The following CYP20A1 variants were observed in gnomAD, a reference collection of about 807,000 sequenced individuals.
CYP20A1 encodes cytochrome P450 20A1.
In CYP20A1, 61 loss-of-function variants were observed where a neutral mutation model predicts 61.4. The ratio of observed to expected loss-of-function variants is 0.99; its 90% confidence interval spans 0.81 to 1.23. CYP20A1 has a LOEUF of 1.23. Ranked by LOEUF, CYP20A1 falls within the 50% of genes most tolerant of loss-of-function variation. CYP20A1 has a pLI of 0.00. For missense variants in CYP20A1, 530 were observed against 542.4 expected (o/e 0.98, Z 0.23); for synonymous variants, 193 against 188.2 (o/e 1.03, Z -0.21).
At chr2:203,289,257 CCT>C (rs2068430557) in intron 9 of CYP20A1, among the ~76,000 whole-genome samples, 2 of 151,964 alleles carry the variant, frequency 1.3e-5, no homozygotes, top group Admixed American at 6.6e-5. Context: ...ATTCTCCGTC[CCT>C]GTTTCTATGG....
chr2:203,243,975 C>G (rs957904217), intron 1 of CYP20A1, among the ~76,000 whole-genome samples: 1 of 152,168 alleles, frequency 6.6e-6, no homozygotes, highest in African/African-American at 2.4e-5. Flanking sequence ...TCGATGCAAG[C>G]CACCACACCT....
chr2:203,242,591 T>C (rs964203244), intron 1 of CYP20A1, among the ~76,000 whole-genome samples: 1 of 152,038 alleles, frequency 6.6e-6, no homozygotes, highest in African/African-American at 2.4e-5. Context: ...AGTTTGAGAC[T>C]AGACTGAGCA....
intron 5 of CYP20A1, among the ~76,000 whole-genome samples, chr2:203,271,349 A>G (rs1423677101): frequency 2.0e-5 from 3 of 151,736 alleles, no homozygotes; most frequent in African/African-American, 7.3e-5. Flanking sequence ...CGGCCTCCCA[A>G]AGTGCTAGGA....
chr2:203,250,357 A>G (rs148256106), intron 3 of CYP20A1, among the ~76,000 whole-genome samples: 18 of 152,318 alleles, frequency 1.2e-4, no homozygotes, highest in Admixed American at 3.3e-4. Flanking sequence ...TTCATGAAGA[A>G]GGTATTATGG....
chr2:203,279,087 C>T (rs564057536), intron 7 of CYP20A1, among the ~76,000 whole-genome samples: 42 of 152,088 alleles, frequency 2.8e-4, no homozygotes, highest in Non-Finnish European at 5.3e-4. Context: ...GCCTCAGCCT[C>T]CCAAGTAGCT....
At chr2:203,268,255 A>C (rs1326450444) in intron 5 of CYP20A1, among the ~76,000 whole-genome samples, 1 of 152,162 alleles carries the variant, frequency 6.6e-6, no homozygotes, top group Non-Finnish European at 1.5e-5. Context: ...ATAGTTATCA[A>C]GTTTCTTTGG....
rs911053190 is a variant in CYP20A1, at chr2:203,298,453, C to T, written c.*1545C>T. ...TCATGCCTATAATACTTTGGGAGGC[C>T]GAGGCAGGTGGATCAATTGAGGTCA... On this transcript the variant is annotated 3_prime_UTR_variant, in exon 13 of 13. Transcript: ENST00000356079. Among the ~76,000 whole-genome samples, 7 of 148,204 alleles carry T rather than the reference C, an allele frequency of 4.7e-5. No individual in the cohort carries two copies. The highest frequency in any genetic ancestry group is 1.0e-4 in the Non-Finnish European group (7 of 67,490).
Position 203,239,144 on chromosome 2 carries a change from G to A in CYP20A1, c.72+10G>A, listed in dbSNP as rs1339640557. ...GCTCTACCTCTATCCGGTGAGCGCC[G>A]TCTTGGCTCTCTGGGGCCCCGGGCG... On this transcript the variant is annotated intron_variant, in intron 1 of 12. Coordinates refer to ENST00000356079, the MANE Select transcript of CYP20A1 (RefSeq NM_177538.3). The A allele has an allele frequency of 5.6e-6, 9 of 1,611,472 alleles. No homozygotes were observed. The highest frequency in any genetic ancestry group is 2.7e-5 in the African/African-American group (2 of 74,980).
intron 4 of CYP20A1, among the ~76,000 whole-genome samples, chr2:203,257,358 A>C (rs1185198719): frequency 6.6e-6 from 1 of 150,938 alleles, no homozygotes; most frequent in East Asian, 1.9e-4. Context: ...GTTTGGGTTT[A>C]TTTTCCTTTC....
At chr2:203,253,822 C>T (rs1265260833) in intron 4 of CYP20A1, among the ~76,000 whole-genome samples, 1 of 151,306 alleles carries the variant, frequency 6.6e-6, no homozygotes, top group Non-Finnish European at 1.5e-5. Context: ...TTCCTTTAAC[C>T]TTGCTCTGGA....
chr2:203,242,723 C>A (rs1056321185), intron 1 of CYP20A1, among the ~76,000 whole-genome samples: 2 of 151,378 alleles, frequency 1.3e-5, no homozygotes, highest in South Asian at 4.2e-4. Flanking sequence ...CCTGGGAGAT[C>A]GAGGCTGCAG....
intron 3 of CYP20A1, among the ~76,000 whole-genome samples, chr2:203,247,288 A>G (rs2066495236): frequency 6.6e-6 from 1 of 152,108 alleles, no homozygotes; most frequent in Non-Finnish European, 1.5e-5. Context: ...TAATGTTTAT[A>G]AATAAAAACT....
intron 4 of CYP20A1, among the ~76,000 whole-genome samples, chr2:203,261,347 C>T (rs2067129559): frequency 1.3e-5 from 2 of 151,726 alleles, no homozygotes; most frequent in Admixed American, 6.6e-5. Flanking sequence ...TGCTTGAGTT[C>T]AGAAGTTTAA....
chr2:203,270,864 T>G (rs1168183447), intron 5 of CYP20A1, among the ~76,000 whole-genome samples: 1 of 144,230 alleles, frequency 6.9e-6, no homozygotes, highest in East Asian at 2.1e-4. Flanking sequence ...CCACCACGCC[T>G]GGCTAATTTT....
chr2:203,285,833 A>G, intron 9 of CYP20A1, 101 bp downstream of exon 9: 1 of 1,087,216 alleles, frequency 9.2e-7, no homozygotes, highest in Non-Finnish European at 1.3e-6. Flanking sequence ...ACATATTTTT[A>G]TAGGACTTAA....
chr2:203,250,286 G>T (rs2066611242), intron 3 of CYP20A1, among the ~76,000 whole-genome samples: 1 of 152,204 alleles, frequency 6.6e-6, no homozygotes, highest in Non-Finnish European at 1.5e-5. Flanking sequence ...TAGCAATTAT[G>T]ATATCTCAGC....
intron 5 of CYP20A1, among the ~76,000 whole-genome samples, chr2:203,268,475 A>G (rs1480437665): frequency 6.6e-6 from 1 of 152,168 alleles, no homozygotes; most frequent in East Asian, 1.9e-4. Context: ...CTGATATTTC[A>G]TGAGTAGATT....
chr2:203,239,385 G>A (rs996255587), intron 1 of CYP20A1, among the ~76,000 whole-genome samples: 5 of 151,852 alleles, frequency 3.3e-5, no homozygotes, highest in Non-Finnish European at 7.4e-5. Context: ...AGCTGCTGAG[G>A]AAAAGCCCGC....
At position 203,271,082 on chromosome 2, in the gene CYP20A1, A is replaced by ATATTTTT. The variant is rs1178482961; in HGVS notation, c.601-1587_601-1586insATTTTTT. ...TATATATATATATATATATATATAT[A>ATATTTTT]TTTTTTTTTTTTTTTTTTTTTTTGA... On this transcript the variant is annotated intron_variant, in intron 5 of 12. Coordinates refer to ENST00000356079, the MANE Select transcript of CYP20A1 (RefSeq NM_177538.3). 2.3e-3 allele frequency among the ~76,000 whole-genome samples: 72 copies of ATATTTTT among 31,640 alleles called. 1 individual carries two copies. Among genetic ancestry groups the ATATTTTT allele is most frequent in the Non-Finnish European group, 3.7e-3 (63 of 17,128 alleles). 20.8% of individuals were successfully genotyped at this position (31,640 alleles called of 152,430 possible). A position where few individuals can be genotyped will look rare whatever the true frequency, so the allele number is the denominator to read the frequency against.
Sources: gnomAD v4.1 joint callset for allele counts (sites outside exome capture counted in the v4.1 genomes callset) on GRCh38, gnomAD v4.1.1 for gene constraint, MANE v1.5 for transcripts, NCBI Gene and HGNC (gene_info 2026-07-23, HGNC 2026-07-21) for gene names.